RBL1: variants seen among roughly 807,000 people sequenced by gnomAD.
RBL1 encodes the protein retinoblastoma-like protein 1.
RBL1 carries 82 observed loss-of-function variants against 123.0 expected under a neutral mutation model. The observed-to-expected ratio is 0.67, with a 90% CI of 0.56 to 0.80. The LOEUF (loss-of-function observed/expected upper bound fraction) is 0.80, where lower values mean the gene tolerates loss of function less well. RBL1 is among the 30% of genes least tolerant of loss of function. RBL1 has a pLI of 0.00. For synonymous variants in RBL1, 405 were observed against 441.3 expected (o/e 0.92, Z 1.03); for missense variants, 1,171 against 1,299.6 (o/e 0.90, Z 1.52).
chr20:37,055,454 G>T, intron 11 of RBL1, 99 bp downstream of exon 11: 1 of 1,568,864 alleles, frequency 6.4e-7, no homozygotes, highest in South Asian at 1.1e-5. Context: ...GTGTGTCATA[G>T]ATTGGTGACT....
chr20:37,006,442 C>T lies in RBL1; in HGVS notation c.2871+969G>A, dbSNP rs532240250. Among the ~76,000 whole-genome samples, 50 of 151,500 alleles carry T rather than the reference C, an allele frequency of 3.3e-4. No homozygotes were observed. The East Asian group carries it at 9.6e-3, about 29-fold the overall frequency. On this transcript the variant is annotated intron_variant, in intron 20 of 21. Transcript: ENST00000373664. ...TCCTGACCTCTGGTGATCCGCCCGC[C>T]TAGGCCTCCCAAAGTGCTGAGATTA... is the stretch of plus-strand genomic sequence containing the variant.
chr20:37,035,421 T>A lies in RBL1; in HGVS notation c.1991A>T (p.Asp664Val), dbSNP rs200548883. The stretch of plus-strand genomic sequence containing the variant: ...GTCCATAAGCATTTCCTTTGGGGGG[T>A]CCTCTCCAAAGAGTCTTCTCTTAGC... ...GSAKRRLFGE[D>V]PPKEMLMDKI... The change falls in exon 15 of 22, where the codon GAC (aspartate) becomes GTC (valine). Residue 664 changes from aspartate to valine, a missense_variant. Physicochemically the swap from Asp to Val is radical, Grantham distance 152 (BLOSUM62 -3). Coordinates refer to ENST00000373664, the MANE Select transcript of RBL1 (RefSeq NM_002895.5). The A allele has an allele frequency of 3.1e-6, 5 of 1,613,774 alleles. No homozygotes were observed. The Admixed American group carries it at 8.3e-5, about 27-fold the overall frequency.
At chr20:37,002,808 G>T (rs948579577) in intron 21 of RBL1, among the ~76,000 whole-genome samples, 4 of 151,016 alleles carry the variant, frequency 2.6e-5, no homozygotes, top group African/African-American at 9.8e-5. Context: ...ACCTCCGCCT[G>T]CCGGGTTCAA....
At position 36,999,494 on chromosome 20, in the gene RBL1, CCACGG is replaced by C. The variant is rs1242218149; in HGVS notation, c.3037-570_3037-566del. On this transcript the variant is annotated intron_variant, in intron 21 of 21. Transcript: ENST00000373664. The stretch of plus-strand genomic sequence containing the variant: ...CTCCCTCCTCTCCCTCTCCCTCTCC[CCACGG>C]TCTCCCTCTCCCTCTCTTTCCACGG... Among the ~76,000 whole-genome samples, 389 of 150,794 alleles carry C rather than the reference CCACGG, an allele frequency of 2.6e-3. 2 individuals carry two copies. Among genetic ancestry groups the C allele is most frequent in the African/African-American group, 8.9e-3 (364 of 41,068 alleles).
At chr20:37,000,254 G>A (rs1323400914) in intron 21 of RBL1, among the ~76,000 whole-genome samples, 10 of 148,792 alleles carry the variant, frequency 6.7e-5, no homozygotes, top group African/African-American at 1.8e-4. Flanking sequence ...CCCTCCGCCC[G>A]GCAGCCACTC....
At chr20:37,027,009 AC>A (rs111868036) in intron 16 of RBL1, among the ~76,000 whole-genome samples, 1,427 of 139,506 alleles carry the variant, frequency 0.01, 30 homozygotes, top group African/African-American at 0.034. Context: ...TTAAAAAAAA[AC>A]AACAAAAAAA....
intron 16 of RBL1, among the ~76,000 whole-genome samples, chr20:37,027,952 G>A (rs561294703): frequency 7.9e-5 from 12 of 152,106 alleles, no homozygotes; most frequent in Non-Finnish European, 1.2e-4. Flanking sequence ...ACTGGGTCTC[G>A]CTATGTTGCC....
In RBL1 at chr20:37,066,487, C is replaced by T. The variant is rs777584764; in HGVS notation, c.846+237G>A. Among the ~76,000 whole-genome samples, 12 of 152,294 alleles carry T rather than the reference C, an allele frequency of 7.9e-5. No individual in the cohort carries two copies. In the East Asian group the frequency reaches 1.5e-3, roughly 20 times the overall value. ...TACAATTCTTTATCAGTACCTCCTA[C>T]GGTTGCCTCTGACAGTACATTTACC... On this transcript the variant is annotated intron_variant, in intron 6 of 21. Coordinates refer to ENST00000373664, the MANE Select transcript of RBL1 (RefSeq NM_002895.5).
chr20:37,026,079 G>C (rs2064415790), intron 16 of RBL1, among the ~76,000 whole-genome samples: 2 of 152,086 alleles, frequency 1.3e-5, no homozygotes, highest in African/African-American at 4.8e-5. Context: ...AACCACAGCA[G>C]TCCCATACTA....
Position 37,067,903 on chromosome 20 carries a change from T to C in RBL1, c.491+83A>G, listed in dbSNP as rs553802614. The C allele has an allele frequency of 2.2e-5, 32 of 1,465,534 alleles. No homozygotes were observed. In the South Asian group the frequency reaches 4.3e-4, roughly 20 times the overall value. The allele number at this position is 1,465,534 out of a possible 1,614,324, so 90.8% of individuals were successfully genotyped here. A position where few individuals can be genotyped will look rare whatever the true frequency, so the allele number is the denominator to read the frequency against. On this transcript the variant is annotated intron_variant, in intron 3 of 21. Transcript: ENST00000373664. ...AAGTTCTTTGCAGGAATACTTTTCATAAAAAACAGACTTTCAAAAAAGTAT... is the reference window on the plus strand; with the variant it reads ...AAGTTCTTTGCAGGAATACTTTTCACAAAAAACAGACTTTCAAAAAAGTAT...
chr20:37,042,907 C>CAAA lies in RBL1; in HGVS notation c.1770+1176_1770+1178dup, dbSNP rs1245245162. Among the ~76,000 whole-genome samples, 138 of 53,210 alleles carry CAAA rather than the reference C, an allele frequency of 2.6e-3. 27 individuals carry two copies. The highest frequency in any genetic ancestry group is 0.024 in the Middle Eastern group (2 of 82). 34.9% of individuals were successfully genotyped at this position (53,210 alleles called of 152,430 possible). Reference sequence around the variant, plus strand: ...GAGTGAGATCTTGTCCCCCCCCCTCCAAAAAAAAAAAAAAAAAAGTCAAAA... The same window carrying CAAA: ...GAGTGAGATCTTGTCCCCCCCCCTCCAAAAAAAAAAAAAAAAAAAAAGTCAAAA... On this transcript the variant is annotated intron_variant, in intron 13 of 21. Transcript: ENST00000373664.
At position 37,061,210 on chromosome 20, in the gene RBL1, T is replaced by A; in HGVS notation, c.1143A>T (p.Glu381Asp). ...LTGRRYLREK[E>D]AVITPVASAT... ...CTGATGCAACAGGAGTAATGACTGC[T>A]TCTTTTTCTCGTAAATATCTCCGTC... Residue 381 changes from glutamate (E) to aspartate (D), a missense_variant, in exon 9 of 22, where the codon GAA becomes GAT. By Grantham distance (45) the Glu-to-Asp change is conservative. Transcript: ENST00000373664. The A allele has an allele frequency of 6.2e-7, 1 of 1,614,160 alleles. No homozygotes were observed. The highest frequency in any genetic ancestry group is 8.5e-7 in the Non-Finnish European group (1 of 1,180,018).
rs764467269 is a variant in RBL1, at chr20:37,066,844, A to G, written c.726T>C (p.Ser242=). ...SDFHTADFTA[S]EEPPCIIAVL... ...CAGCAATGATGCAGGGTGGCTCTTC[A>G]GAAGCCGTAAAGTCAGCAGTATGAA... Residue 242 remains serine (S), a synonymous_variant, in exon 6 of 22, where the codon TCT becomes TCC. Coordinates refer to ENST00000373664, the MANE Select transcript of RBL1 (RefSeq NM_002895.5). The G allele has an allele frequency of 5.7e-5, 92 of 1,613,934 alleles. No individual in the cohort carries two copies. In the South Asian group the frequency reaches 9.9e-4, roughly 17 times the overall value.
chr20:37,033,185 AT>A (rs1157688842), intron 15 of RBL1, among the ~76,000 whole-genome samples: 1,658 of 123,220 alleles, frequency 0.013, 20 homozygotes, highest in African/African-American at 0.039. Flanking sequence ...TGCCTGGTAA[AT>A]TTTTTTTTTT....
At chr20:37,079,331 T>C (rs1432270955) in intron 2 of RBL1, among the ~76,000 whole-genome samples, 1 of 152,140 alleles carries the variant, frequency 6.6e-6, no homozygotes, top group African/African-American at 2.4e-5. Context: ...ACCAGCTGTT[T>C]AGCCAATCTT....
intron 21 of RBL1, among the ~76,000 whole-genome samples, chr20:37,001,873 T>C (rs1204863157): frequency 7.3e-6 from 1 of 137,492 alleles, no homozygotes; most frequent in Non-Finnish European, 1.5e-5. Context: ...TGTGAAAAGA[T>C]GTCCATGAGG....
chr20:37,031,498 T>C (rs1030219796), intron 16 of RBL1, among the ~76,000 whole-genome samples: 3 of 152,158 alleles, frequency 2.0e-5, no homozygotes, highest in African/African-American at 4.8e-5. Context: ...TAGTAAGATG[T>C]CTCTTTATAC....
intron 16 of RBL1, among the ~76,000 whole-genome samples, chr20:37,023,775 C>A (rs1251878846): frequency 1.9e-5 from 2 of 104,226 alleles, no homozygotes; most frequent in Non-Finnish European, 3.7e-5. Context: ...TCTATTCAAA[C>A]TATTTTTTTT....
chr20:37,076,508 A>T (rs186899719), intron 2 of RBL1, among the ~76,000 whole-genome samples: 7 of 152,362 alleles, frequency 4.6e-5, no homozygotes, highest in Admixed American at 3.9e-4. Context: ...TGGATACAGT[A>T]AACAAAGAGA....
Sources: allele counts gnomAD v4.1 joint callset (sites outside exome capture counted in the v4.1 genomes callset), GRCh38; gene constraint gnomAD v4.1.1; transcripts MANE v1.5; gene names NCBI Gene and HGNC (gene_info 2026-07-23, HGNC 2026-07-21).